The following NR3C1 variants were observed in gnomAD, a reference collection of about 807,000 sequenced individuals.
NR3C1 encodes the protein nuclear receptor subfamily 3 group C member 1.
In NR3C1, 14 loss-of-function variants were observed where a neutral mutation model predicts 74.0. That is an observed-to-expected ratio of 0.19 (90% CI 0.12 to 0.30). The LOEUF (loss-of-function observed/expected upper bound fraction) is 0.30. Among genes scored for constraint, NR3C1 ranks in the 10% least tolerant of loss-of-function variants. The pLI is 1.00. For synonymous variants in NR3C1, 308 were observed against 332.5 expected (o/e 0.93, Z 0.80); for missense variants, 695 against 909.8 (o/e 0.76, Z 3.04).
chr5:143,332,705 C>G (rs894989002), intron 2 of NR3C1: 1 of 1,578,464 alleles, frequency 6.3e-7, no homozygotes, highest in African/African-American at 1.3e-5. Flanking sequence ...AGGTGCGTCT[C>G]AGACGACTAG....
chr5:143,328,907 C>T (rs190361511), intron 2 of NR3C1, among the ~76,000 whole-genome samples: 5 of 152,314 alleles, frequency 3.3e-5, no homozygotes, highest in African/African-American at 7.2e-5. Flanking sequence ...GTCTCTAGGA[C>T]GTTCCAAACT....
chr5:143,413,440 T>C (rs1841370072), intron 1 of NR3C1, among the ~76,000 whole-genome samples: 1 of 152,202 alleles, frequency 6.6e-6, no homozygotes, highest in Non-Finnish European at 1.5e-5. Flanking sequence ...ACAGAGTTTT[T>C]TGATTCACTG....
At chr5:143,402,253 G>A (rs1600630337) in intron 1 of NR3C1, among the ~76,000 whole-genome samples, 1 of 152,044 alleles carries the variant, frequency 6.6e-6, no homozygotes, top group East Asian at 1.9e-4. Flanking sequence ...CTTCAAACCC[G>A]AAACCAAAAC....
At chr5:143,364,682 T>G (rs759126982) in intron 2 of NR3C1, among the ~76,000 whole-genome samples, 1 of 151,966 alleles carries the variant, frequency 6.6e-6, no homozygotes, top group Non-Finnish European at 1.5e-5. Context: ...TGAAGTTGAG[T>G]TGATATTAAT....
In NR3C1 at chr5:143,300,903, C is replaced by A; in HGVS notation, c.1469-140G>T. ...TTATTTAGCAATTATGATAAAGTGA[C>A]ATGGAAAAGGAGAAAAAACTTTTTT... On this transcript the variant is annotated intron_variant, in intron 4 of 8. Transcript: ENST00000394464. This position sits in a 1 kb window ranked among gnomAD's most constrained non-coding sequence, Gnocchi z 5.2. 5.0e-6 allele frequency: 5 copies of A among 995,972 alleles called. No homozygotes were observed. Among genetic ancestry groups the A allele is most frequent in the African/African-American group, 1.6e-5 (1 of 60,684 alleles). The allele number at this position is 995,972 out of a possible 1,614,324, so 61.7% of individuals were successfully genotyped here.
chr5:143,291,421 T>C (rs1374376324), intron 7 of NR3C1, among the ~76,000 whole-genome samples: 9 of 152,066 alleles, frequency 5.9e-5, no homozygotes, highest in African/African-American at 2.2e-4. Flanking sequence ...AGATGGGGTT[T>C]TACCACGTAA....
intron 2 of NR3C1, among the ~76,000 whole-genome samples, chr5:143,359,664 C>A (rs761622406): frequency 6.6e-6 from 1 of 152,088 alleles, no homozygotes; most frequent in Non-Finnish European, 1.5e-5. Context: ...CACCTGTAAT[C>A]CCCAGCACTT....
At chr5:143,293,782 A>G in intron 7 of NR3C1, 3 of 651,294 alleles carry the variant, frequency 4.6e-6, no homozygotes, top group Non-Finnish European at 5.7e-6. Context: ...TTATTTTTTA[A>G]CAAGAAGAAC....
chr5:143,352,715 A>G (rs558751877), intron 2 of NR3C1, among the ~76,000 whole-genome samples: 85 of 152,330 alleles, frequency 5.6e-4, no homozygotes, highest in African/African-American at 2.0e-3. Flanking sequence ...GTCTTTAAAA[A>G]TGTATTTACC....
intron 4 of NR3C1, among the ~76,000 whole-genome samples, chr5:143,305,367 C>T (rs889679189): frequency 2.6e-5 from 4 of 151,948 alleles, no homozygotes. Context: ...GTTTAACTAC[C>T]ATTCAACCTA....
chr5:143,407,676 A>T (rs1011549296), upstream of NR3C1, among the ~76,000 whole-genome samples: 1 of 152,210 alleles, frequency 6.6e-6, no homozygotes, highest in Non-Finnish European at 1.5e-5. Flanking sequence ...CTTAAGCCTG[A>T]CTAATAACCA....
chr5:143,324,528 G>A (rs1047176244), intron 2 of NR3C1, among the ~76,000 whole-genome samples: 1 of 152,186 alleles, frequency 6.6e-6, no homozygotes, highest in Non-Finnish European at 1.5e-5. Context: ...CTGGGTCTCT[G>A]GGCCTGTGAT....
At chr5:143,335,579 CT>C (rs1332142151) in intron 2 of NR3C1, among the ~76,000 whole-genome samples, 1 of 152,178 alleles carries the variant, frequency 6.6e-6, no homozygotes, top group Admixed American at 6.5e-5. Context: ...CATATATAGC[CT>C]GCATCTTTTA....
At chr5:143,388,718 A>T (rs1837710809) in intron 2 of NR3C1, among the ~76,000 whole-genome samples, 1 of 152,222 alleles carries the variant, frequency 6.6e-6, no homozygotes, top group Non-Finnish European at 1.5e-5. Flanking sequence ...AATTTTCCTC[A>T]GATTTGGGCT....
At chr5:143,332,710 G>T in intron 2 of NR3C1, 2 of 1,578,088 alleles carry the variant, frequency 1.3e-6, no homozygotes, top group South Asian at 1.1e-5. Context: ...CGTCTCAGAC[G>T]ACTAGAAGTG....
chr5:143,362,783 G>C (rs1032856768), intron 2 of NR3C1, among the ~76,000 whole-genome samples: 8 of 152,294 alleles, frequency 5.3e-5, no homozygotes, highest in Admixed American at 2.0e-4. Flanking sequence ...GGCACATGAC[G>C]GGTGGAGGAG....
intron 2 of NR3C1, among the ~76,000 whole-genome samples, chr5:143,390,803 C>T (rs1022682699): frequency 6.6e-6 from 1 of 152,036 alleles, no homozygotes. Context: ...TGTTATCATT[C>T]GAGAGAGGAT....
rs970033875 is a variant in NR3C1 at position 143,299,016 on chromosome 5, T to G, written c.1748-204A>C. Among the ~76,000 whole-genome samples, 8 of 147,624 alleles carry G rather than the reference T, an allele frequency of 5.4e-5. No individual in the cohort carries two copies. The East Asian group carries it at 9.7e-4, about 18-fold the overall frequency. Reference sequence around the variant, plus strand: ...ACAAACCCTCTTGTGTTTTTTTTTTTTTTTTTTTTTTTAATTGAGACAAAG... The same window carrying G: ...ACAAACCCTCTTGTGTTTTTTTTTTGTTTTTTTTTTTTAATTGAGACAAAG... On this transcript the variant is annotated intron_variant, in intron 5 of 8. Coordinates refer to ENST00000394464, the MANE Select transcript of NR3C1 (RefSeq NM_000176.3).
In NR3C1 at chr5:143,403,364, G is replaced by C. The variant is rs909435494; in HGVS notation, c.-167C>G. Reference sequence around the variant, plus strand: ...AACAGCCGCCCCTTTCTCCATGGGTGGGGGGAGAGCCCCTATTTAAGAAAG... The same window carrying C: ...AACAGCCGCCCCTTTCTCCATGGGTCGGGGGAGAGCCCCTATTTAAGAAAG... On this transcript the variant is annotated 5_prime_UTR_variant, in exon 1 of 9. Coordinates refer to ENST00000394464, the MANE Select transcript of NR3C1 (RefSeq NM_000176.3). 19 of 985,342 alleles carry C rather than the reference G, an allele frequency of 1.9e-5. No homozygotes were observed. The African/African-American group carries it at 3.0e-4, about 15-fold the overall frequency. 61.0% of individuals were successfully genotyped at this position (985,342 alleles called of 1,614,324 possible).
Sources: allele counts gnomAD v4.1 joint callset (sites outside exome capture counted in the v4.1 genomes callset), GRCh38; gene constraint gnomAD v4.1.1; non-coding constraint Gnocchi (gnomAD v3.1); transcripts MANE v1.5; gene names NCBI Gene and HGNC (gene_info 2026-07-23, HGNC 2026-07-21).